DMKN: variants seen among roughly 807,000 people sequenced by gnomAD.
The protein encoded by DMKN is epidermis-specific secreted protein SK30/SK89.
DMKN carries 58 observed loss-of-function variants against 67.6 expected under a neutral mutation model. The observed-to-expected ratio is 0.86, with a 90% CI of 0.69 to 1.07. DMKN has a LOEUF of 1.07. DMKN is among the 50% of genes least tolerant of loss of function. The probability of loss-of-function intolerance (pLI) is 0.00; values close to 1 mark genes in which losing one functional copy is unlikely to be tolerated. For synonymous variants in DMKN, 240 were observed against 232.3 expected, an observed-to-expected ratio of 1.03 and a Z score of -0.30; for missense variants, 596 against 601.5, an observed-to-expected ratio of 0.99 and a Z score of 0.10.
At chr19:35,499,904 C>T in intron 13 of DMKN, 54 bp downstream of exon 13, 1 of 1,595,604 alleles carries the variant, frequency 6.3e-7, no homozygotes, top group South Asian at 1.1e-5. Context: ...AGCCTCTCTC[C>T]CCATCCCTCA....
At chr19:35,510,610 A>G in intron 5 of DMKN, 1 of 1,448,276 alleles carries the variant, frequency 6.9e-7, no homozygotes, top group Non-Finnish European at 9.1e-7. Flanking sequence ...GAGCGGCCGT[A>G]GCTGCCTTGG....
chr19:35,503,935 C>A (rs2068931673), intron 9 of DMKN, among the ~76,000 whole-genome samples: 1 of 152,128 alleles, frequency 6.6e-6, no homozygotes, highest in Admixed American at 6.5e-5. Context: ...GGCTTAAGAA[C>A]CCCCTGCATC....
At chr19:35,499,605 G>A (rs2145849560) in intron 13 of DMKN, among the ~76,000 whole-genome samples, 1 of 152,304 alleles carries the variant, frequency 6.6e-6, no homozygotes, top group Middle Eastern at 3.4e-3. Context: ...TCCACAGAGA[G>A]GGAACCTGTG....
At chr19:35,506,299 T>C in intron 7 of DMKN, 1 of 1,080,184 alleles carries the variant, frequency 9.3e-7, no homozygotes, top group Non-Finnish European at 1.3e-6. Flanking sequence ...CTTCCTGTCC[T>C]CCTCTCTATA....
chr19:35,505,602 T>C (rs1317052288), intron 9 of DMKN, 116 bp downstream of exon 9: 1 of 1,405,466 alleles, frequency 7.1e-7, no homozygotes, highest in African/African-American at 1.4e-5. Flanking sequence ...GTTTTTGTTT[T>C]TAGCACTGGC....
At chr19:35,497,762 C>A (rs558001695) in intron 15 of DMKN, 1 of 152,830 alleles carries the variant, frequency 6.5e-6, no homozygotes, top group African/African-American at 2.4e-5. Context: ...CCTCTGAACC[C>A]TTCCACCAGG....
At chr19:35,500,084 C>T in intron 12 of DMKN, 55 bp from the exon 13 acceptor site, 8 of 1,589,302 alleles carry the variant, frequency 5.0e-6, no homozygotes, top group Non-Finnish European at 6.9e-6. Context: ...CCATTTTGCT[C>T]TGGAATAAAC....
intron 12 of DMKN, 68 bp downstream of exon 12, chr19:35,500,463 TGC>T: frequency 6.4e-7 from 1 of 1,568,124 alleles, no homozygotes; most frequent in Non-Finnish European, 8.7e-7. Flanking sequence ...AATTTCAGAT[TGC>T]CCAGACCCGG....
intron 5 of DMKN, among the ~76,000 whole-genome samples, chr19:35,510,781 C>T (rs2070616580): frequency 6.6e-6 from 1 of 152,194 alleles, no homozygotes; most frequent in African/African-American, 2.4e-5. Context: ...CCCTCTCCAG[C>T]TCGACTCCAA....
At chr19:35,506,308 T>G (rs1428571381) in intron 7 of DMKN, 1 of 970,704 alleles carries the variant, frequency 1.0e-6, no homozygotes, top group African/African-American at 1.6e-5. Flanking sequence ...CTCCTCTCTA[T>G]AAAGCTGCCT....
intron 15 of DMKN, 194 bp downstream of exon 15, chr19:35,498,522 T>C: frequency 2.8e-6 from 2 of 726,984 alleles, no homozygotes; most frequent in Non-Finnish European, 4.4e-6. Flanking sequence ...GATCACTTTA[T>C]TATGGGTCTT....
Position 35,513,575 on chromosome 19 carries a change from C to A in DMKN, c.-100G>T, listed in dbSNP as rs2071130465. The A allele has an allele frequency of 7.1e-7, 1 of 1,405,680 alleles. No individual in the cohort carries two copies. Among genetic ancestry groups the A allele is most frequent in the Non-Finnish European group, 9.4e-7 (1 of 1,062,692 alleles). 87.1% of individuals were successfully genotyped at this position (1,405,680 alleles called of 1,614,324 possible). A position where few individuals can be genotyped will look rare whatever the true frequency, so the allele number is the denominator to read the frequency against. ...TCTCTGTGCCCTCCTCTGTCCTCCT[C>A]CTTCCGACTCCCTGTCCTCCCTCCC... On this transcript the variant is annotated 5_prime_UTR_variant, in exon 1 of 16. Coordinates refer to ENST00000339686, the MANE Select transcript of DMKN (RefSeq NM_033317.5).
At chr19:35,500,456 T>A in intron 12 of DMKN, 77 bp downstream of exon 12, 1 of 1,562,392 alleles carries the variant, frequency 6.4e-7, no homozygotes, top group Non-Finnish European at 8.7e-7. Context: ...GAAAGAGAAT[T>A]TCAGATTGCC....
chr19:35,512,332 C>G (rs1387652912), intron 3 of DMKN, 89 bp downstream of exon 3: 10 of 1,528,314 alleles, frequency 6.5e-6, no homozygotes, highest in Non-Finnish European at 8.9e-6. Context: ...CCTCCACTCC[C>G]CCATCTTGCT....
intron 11 of DMKN, chr19:35,501,907 C>A: frequency 6.3e-7 from 1 of 1,574,988 alleles, no homozygotes; most frequent in Non-Finnish European, 8.6e-7. Context: ...TGTTCATGTG[C>A]TTGTGGAGGC....
chr19:35,499,057 G>T, intron 13 of DMKN, 160 bp from the exon 14 acceptor site: 1 of 986,776 alleles, frequency 1.0e-6, no homozygotes, highest in East Asian at 2.6e-5. Context: ...TGTGGAGTTG[G>T]TTTCACAGCA....
chr19:35,504,166 G>T (rs575515124), intron 9 of DMKN, among the ~76,000 whole-genome samples: 1 of 151,820 alleles, frequency 6.6e-6, no homozygotes, highest in South Asian at 2.1e-4. Context: ...GGCAAAACTG[G>T]CAGGGTGTCT....
chr19:35,500,786 G>A (rs2145879699), intron 11 of DMKN, among the ~76,000 whole-genome samples: 1 of 152,330 alleles, frequency 6.6e-6, no homozygotes, highest in South Asian at 2.1e-4. Flanking sequence ...AACCAGGTTT[G>A]GCAACACCTT....
In DMKN at chr19:35,506,161, C is replaced by T. The variant is rs1195720906; in HGVS notation, c.1039-175G>A. On this transcript the variant is annotated intron_variant, in intron 7 of 15. Transcript: ENST00000339686. ...ACTCCACCAACAGCGTCACCTCCTC[C>T]ACTGCCCCAGCTCGACCCTTGCCCC... 2.6e-6 allele frequency: 4 copies of T among 1,543,546 alleles called. No individual in the cohort carries two copies. The Middle Eastern group carries it at 5.1e-4, about 195-fold the overall frequency.
Sources: allele counts gnomAD v4.1 joint callset (sites outside exome capture counted in the v4.1 genomes callset), GRCh38; gene constraint gnomAD v4.1.1; transcripts MANE v1.5; gene names NCBI Gene and HGNC (gene_info 2026-07-23, HGNC 2026-07-21).